The following IL19 variants were observed in gnomAD, a reference collection of about 807,000 sequenced individuals.
IL19 encodes the protein interleukin-19.
Under a neutral mutation model 19.5 loss-of-function variants are expected in IL19, and 15 were observed. The observed-to-expected ratio is 0.77, with a 90% confidence interval of 0.52 to 1.19. The LOEUF (loss-of-function observed/expected upper bound fraction) is 1.19, where lower values mean the gene tolerates loss of function less well. Ranked by LOEUF, IL19 falls within the 50% of genes most tolerant of loss-of-function variation. The pLI, the probability that IL19 is intolerant of heterozygous loss-of-function variation, is 0.00. For missense variants in IL19, 199 were observed against 213.1 expected, an observed-to-expected ratio of 0.93 and a Z score of 0.41; for synonymous variants, 78 against 78.3, an observed-to-expected ratio of 1.00 and a Z score of 0.02.
At chr1:206,818,269 C>T (rs1273464217) in intron 2 of IL19, among the ~76,000 whole-genome samples, 2 of 152,098 alleles carry the variant, frequency 1.3e-5, no homozygotes, top group African/African-American at 4.8e-5. Flanking sequence ...ATATTCTGGG[C>T]CGATAAACTG....
At chr1:206,772,174 G>T in intron 1 of IL19, 1 of 1,038,754 alleles carries the variant, frequency 9.6e-7, no homozygotes, top group Non-Finnish European at 1.5e-6. Context: ...TGGGGATGGA[G>T]GTGGAGGCGC....
intron 4 of IL19, among the ~76,000 whole-genome samples, chr1:206,837,538 T>C (rs947644414): frequency 6.6e-6 from 1 of 152,116 alleles, no homozygotes; most frequent in Non-Finnish European, 1.5e-5. Context: ...GGAGCCAGGC[T>C]GAGCCTCAGG....
chr1:206,808,504 T>TGC (rs1486103251), intron 2 of IL19, among the ~76,000 whole-genome samples: 1 of 72,504 alleles, frequency 1.4e-5, no homozygotes, highest in Non-Finnish European at 3.0e-5. Context: ...TGTGTGCGTG[T>TGC]GTGTGTGTGT....
intron 1 of IL19, among the ~76,000 whole-genome samples, chr1:206,784,178 A>G (rs1346070600): frequency 6.6e-6 from 1 of 152,194 alleles, no homozygotes; most frequent in Non-Finnish European, 1.5e-5. Flanking sequence ...ATGAGATCCC[A>G]AACAAGTTCC....
intron 1 of IL19, among the ~76,000 whole-genome samples, chr1:206,794,934 T>G (rs888767348): frequency 1.3e-5 from 2 of 152,038 alleles, no homozygotes; most frequent in Non-Finnish European, 2.9e-5. Context: ...GGGAAAAGGG[T>G]CAGTGAGTGC....
At chr1:206,835,829 G>A (rs1357317884) in intron 2 of IL19, among the ~76,000 whole-genome samples, 4 of 152,214 alleles carry the variant, frequency 2.6e-5, no homozygotes, top group African/African-American at 9.7e-5. Flanking sequence ...TATATTTTAC[G>A]CACTTTTCTC....
chr1:206,784,824 G>A (rs565323683), intron 1 of IL19, among the ~76,000 whole-genome samples: 11 of 152,368 alleles, frequency 7.2e-5, no homozygotes, highest in East Asian at 3.9e-4. Context: ...TCTGCACCAC[G>A]CAGTAAAATG....
intron 4 of IL19, 111 bp from the exon 5 acceptor site, chr1:206,839,739 A>G (rs773688535): frequency 3.1e-6 from 3 of 965,708 alleles, no homozygotes; most frequent in Non-Finnish European, 1.6e-6. Flanking sequence ...AATTTTTCCA[A>G]AATGACTTTT....
intron 1 of IL19, among the ~76,000 whole-genome samples, chr1:206,791,301 GTT>G (rs11297961): frequency 0.014 from 1,823 of 131,688 alleles, 10 homozygotes; most frequent in African/African-American, 0.023. Flanking sequence ...AGGTCCTTAG[GTT>G]TTTTTTTTTT....
intron 1 of IL19, chr1:206,771,315 T>C: frequency 6.4e-7 from 1 of 1,564,218 alleles, no homozygotes; most frequent in Admixed American, 1.7e-5. Flanking sequence ...CTTCCCTTAA[T>C]CATGCTGCAC....
At chr1:206,825,899 C>T (rs1198088840) in intron 2 of IL19, among the ~76,000 whole-genome samples, 1 of 152,198 alleles carries the variant, frequency 6.6e-6, no homozygotes, top group Non-Finnish European at 1.5e-5. Flanking sequence ...AAGTGATGAA[C>T]AACACAGACA....
chr1:206,815,713 G>A (rs1676138313), intron 2 of IL19, among the ~76,000 whole-genome samples: 1 of 152,158 alleles, frequency 6.6e-6, no homozygotes, highest in Middle Eastern at 3.4e-3. Flanking sequence ...TATCTTAAAA[G>A]CAACTATATA....
chr1:206,772,114 T>C (rs1332717446), intron 1 of IL19, among the ~76,000 whole-genome samples: 2 of 152,178 alleles, frequency 1.3e-5, no homozygotes, highest in African/African-American at 4.8e-5. Flanking sequence ...ACCAAACCCA[T>C]GGCTTGATCT....
At chr1:206,800,240 G>A (rs1675646094) in intron 2 of IL19, among the ~76,000 whole-genome samples, 2 of 152,246 alleles carry the variant, frequency 1.3e-5, no homozygotes, top group Admixed American at 1.3e-4. Flanking sequence ...TAGTGGTGAA[G>A]ACCATCAATC....
chr1:206,832,163 T>G (rs1006950088), intron 2 of IL19, among the ~76,000 whole-genome samples: 2 of 152,216 alleles, frequency 1.3e-5, no homozygotes, highest in African/African-American at 4.8e-5. Flanking sequence ...TTGCACCCTC[T>G]CCAAAGGAGC....
chr1:206,807,472 C>T (rs2102465012), intron 2 of IL19, among the ~76,000 whole-genome samples: 1 of 152,322 alleles, frequency 6.6e-6, no homozygotes, highest in Middle Eastern at 3.4e-3. Context: ...AGGGCCTTCA[C>T]TCATGCTGTT....
chr1:206,823,447 C>T (rs567503949), intron 2 of IL19, among the ~76,000 whole-genome samples: 5 of 151,716 alleles, frequency 3.3e-5, no homozygotes, highest in African/African-American at 1.2e-4. Flanking sequence ...CCCAGCTACT[C>T]GGGTTGCTGA....
In IL19 at chr1:206,829,361, AAGTGGGGAGGAGGAGGGG is replaced by A. The variant is rs1299265835; in HGVS notation, c.-2-7290_-2-7273del. Among the ~76,000 whole-genome samples the A allele has an allele frequency of 2.0e-5, 3 of 152,276 alleles. No individual in the cohort carries two copies. The East Asian group carries it at 5.8e-4, about 29-fold the overall frequency. ...GTAGTGGTCAACTCAACCAGGGTTG[AAGTGGGGAGGAGGAGGGG>A]AGTGGGGAGAGGAAAGGAAGAGGGG... is the stretch of plus-strand genomic sequence containing the variant. On this transcript the variant is annotated intron_variant, in intron 2 of 6. Coordinates refer to ENST00000659997, the MANE Select transcript of IL19 (RefSeq NM_153758.5).
chr1:206,822,358 TG>T (rs1276009162), intron 2 of IL19, among the ~76,000 whole-genome samples: 7 of 152,042 alleles, frequency 4.6e-5, no homozygotes, highest in Non-Finnish European at 8.8e-5. Context: ...TGGAGGCTGG[TG>T]GGTGATATGG....
Sources: allele counts gnomAD v4.1 joint callset (sites outside exome capture counted in the v4.1 genomes callset), GRCh38; gene constraint gnomAD v4.1.1; transcripts MANE v1.5; gene names NCBI Gene and HGNC (gene_info 2026-07-23, HGNC 2026-07-21).